The following RASEF variants were observed in gnomAD, a reference collection of about 807,000 sequenced individuals.
RASEF encodes the protein RAS and EF-hand domain containing, also known as ras and EF-hand domain-containing protein.
Under a neutral mutation model 90.1 loss-of-function variants are expected in RASEF, and 68 were observed. The observed-to-expected ratio is 0.75, with a 90% CI of 0.62 to 0.92. The LOEUF (loss-of-function observed/expected upper bound fraction) is 0.92. Ranked by LOEUF, RASEF falls within the 40% of genes least tolerant of loss-of-function variation. The probability of loss-of-function intolerance (pLI) is 0.00; values close to 1 mark genes in which losing one functional copy is unlikely to be tolerated. For synonymous variants in RASEF, 331 were observed against 345.2 expected, an observed-to-expected ratio of 0.96 and a Z score of 0.46; for missense variants, 949 against 937.2, an observed-to-expected ratio of 1.01 and a Z score of -0.16.
rs75728135 is a variant in RASEF, at chr9:82,999,445, A to G, written c.1723+724T>C. 7.2e-3 allele frequency among the ~76,000 whole-genome samples: 1,092 copies of G among 152,268 alleles called. 13 individuals carry two copies. The highest frequency in any genetic ancestry group is 0.025 in the African/African-American group (1,034 of 41,550). On this transcript the variant is annotated intron_variant, in intron 12 of 16. Transcript: ENST00000376447. ...TTTCCCTCCACTGGGATGTAAGTGC[A>G]GTGCAGGCTGGGATTGTCAGCCTTC...
At chr9:83,026,057 A>G (rs1201401461) in intron 1 of RASEF, 136 bp from the exon 2 acceptor site, 2 of 655,280 alleles carry the variant, frequency 3.1e-6, no homozygotes, top group Non-Finnish European at 4.9e-6. Context: ...AACGGAAGGA[A>G]GGGAAGACAG....
At chr9:82,990,531 T>G in intron 15 of RASEF, 64 bp from the exon 16 acceptor site, 2 of 1,205,462 alleles carry the variant, frequency 1.7e-6, no homozygotes, top group Admixed American at 1.8e-5. Flanking sequence ...AATTTTAGCT[T>G]TTAAAATCAG....
intron 3 of RASEF, among the ~76,000 whole-genome samples, chr9:83,019,076 A>G (rs1036244082): frequency 3.3e-5 from 5 of 152,180 alleles, no homozygotes; most frequent in Admixed American, 1.3e-4. Context: ...CTTGAGTTAA[A>G]GATTTTTAAA....
At chr9:83,099,768 G>A in the RASEF span, among the ~76,000 whole-genome samples, 1 of 152,168 alleles carries the variant, frequency 6.6e-6, no homozygotes, top group Non-Finnish European at 1.5e-5. Flanking sequence ...AGATATTTTG[G>A]GGGCAGCCTC....
chr9:83,117,423 T>G, the RASEF span, among the ~76,000 whole-genome samples: 1 of 152,310 alleles, frequency 6.6e-6, no homozygotes, highest in South Asian at 2.1e-4. Context: ...ATGAAAATCT[T>G]TCAACCTCAG....
chr9:83,131,886 A>C, the RASEF span, among the ~76,000 whole-genome samples: 1 of 152,196 alleles, frequency 6.6e-6, no homozygotes, highest in Non-Finnish European at 1.5e-5. Flanking sequence ...TTTTTTGATC[A>C]GTTCATCTTT....
the RASEF span, among the ~76,000 whole-genome samples, chr9:83,152,725 C>T: frequency 8.6e-6 from 1 of 115,868 alleles, no homozygotes. Flanking sequence ...CATGTGCGCA[C>T]AGACACACAT....
At chr9:82,985,739 GA>G (rs2118361212) in intron 16 of RASEF, among the ~76,000 whole-genome samples, 1 of 152,282 alleles carries the variant, frequency 6.6e-6, no homozygotes, top group Admixed American at 6.5e-5. Flanking sequence ...GAGAAAGCGA[GA>G]AAAATGCATG....
intron 1 of RASEF, chr9:83,048,808 A>G: frequency 1.1e-6 from 1 of 952,312 alleles, no homozygotes; most frequent in Non-Finnish European, 1.3e-6. Flanking sequence ...TATTTCTCAT[A>G]CTTGATTAAC....
chr9:83,144,743 A>G, the RASEF span, among the ~76,000 whole-genome samples: 1 of 152,232 alleles, frequency 6.6e-6, no homozygotes, highest in Non-Finnish European at 1.5e-5. Context: ...TAACTGAGTT[A>G]CACTAACAGT....
chr9:83,034,198 C>CA (rs1398702913), intron 1 of RASEF, among the ~76,000 whole-genome samples: 4 of 152,164 alleles, frequency 2.6e-5, no homozygotes, highest in Admixed American at 6.5e-5. Flanking sequence ...TCTCAGTCTG[C>CA]ATACAGAATG....
the RASEF span, among the ~76,000 whole-genome samples, chr9:83,079,243 G>C: frequency 1.5e-4 from 23 of 152,138 alleles, no homozygotes; most frequent in African/African-American, 5.6e-4. Context: ...GTGTAAGGAA[G>C]AGGTCCAGCT....
At chr9:83,160,001 C>T in the RASEF span, among the ~76,000 whole-genome samples, 18 of 152,196 alleles carry the variant, frequency 1.2e-4, no homozygotes, top group Admixed American at 3.3e-4. Context: ...CACCTTCTGC[C>T]GTGATTGTGA....
At chr9:83,143,429 C>T in the RASEF span, among the ~76,000 whole-genome samples, 4 of 151,974 alleles carry the variant, frequency 2.6e-5, no homozygotes, top group East Asian at 1.9e-4. Flanking sequence ...TGAATAGACA[C>T]GTCTCAAAAG....
the RASEF span, among the ~76,000 whole-genome samples, chr9:83,209,799 A>T: frequency 2.6e-5 from 4 of 152,180 alleles, no homozygotes; most frequent in African/African-American, 7.2e-5. Context: ...ACTTTATATT[A>T]AAAAAGTCAT....
intron 7 of RASEF, among the ~76,000 whole-genome samples, chr9:83,005,950 G>A (rs1466705200): frequency 3.9e-5 from 6 of 152,216 alleles, no homozygotes; most frequent in South Asian, 2.1e-4. Flanking sequence ...ACCAGGTACC[G>A]TCGTGTAGCA....
intron 5 of RASEF, among the ~76,000 whole-genome samples, chr9:83,011,950 A>T (rs1829254374): frequency 6.6e-6 from 1 of 152,222 alleles, no homozygotes; most frequent in South Asian, 2.1e-4. Context: ...AATGCTCTTT[A>T]TCTGCTTTCA....
intron 3 of RASEF, among the ~76,000 whole-genome samples, chr9:83,017,479 G>A (rs1829364282): frequency 1.3e-5 from 2 of 149,344 alleles, no homozygotes; most frequent in Admixed American, 6.7e-5. Flanking sequence ...CAGCCTGGGC[G>A]ACAGAGCGAG....
At chr9:83,086,227 A>G in the RASEF span, among the ~76,000 whole-genome samples, 4 of 152,192 alleles carry the variant, frequency 2.6e-5, no homozygotes, top group Admixed American at 6.5e-5. Flanking sequence ...AACTATTTGG[A>G]AGAGATCCAA....
Sources: allele counts gnomAD v4.1 joint callset (sites outside exome capture counted in the v4.1 genomes callset), GRCh38; gene constraint gnomAD v4.1.1; transcripts MANE v1.5; gene names NCBI Gene and HGNC (gene_info 2026-07-23, HGNC 2026-07-21).